CLEC6A: variants seen among roughly 807,000 people sequenced by gnomAD.
The protein encoded by CLEC6A is C-type lectin domain family 6 member A.
Under a neutral mutation model 25.7 loss-of-function variants are expected in CLEC6A, and 22 were observed. The observed-to-expected ratio is 0.85, with a 90% confidence interval of 0.61 to 1.22. The LOEUF is 1.22. CLEC6A is among the 50% of genes most tolerant of loss of function. The probability of loss-of-function intolerance (pLI) is 0.00; values close to 1 mark genes in which losing one functional copy is unlikely to be tolerated. For synonymous variants in CLEC6A, 92 were observed against 76.7 expected, an observed-to-expected ratio of 1.20 and a Z score of -1.04; for missense variants, 240 against 236.8, an observed-to-expected ratio of 1.01 and a Z score of -0.09.
intron 2 of CLEC6A, among the ~76,000 whole-genome samples, chr12:8,458,359 T>C (rs1157542238): frequency 2.0e-5 from 3 of 152,232 alleles, no homozygotes; most frequent in Non-Finnish European, 4.4e-5. Flanking sequence ...ATTGTCATAT[T>C]CTATATTAGA....
At chr12:8,470,831 A>C (rs930532417) in intron 4 of CLEC6A, among the ~76,000 whole-genome samples, 1 of 152,116 alleles carries the variant, frequency 6.6e-6, no homozygotes, top group Non-Finnish European at 1.5e-5. Flanking sequence ...CCAAAATATC[A>C]GAAATCACCA....
At position 8,476,151 on chromosome 12, in the gene CLEC6A, G is replaced by A; in HGVS notation, c.396G>A (p.Glu132=). The change falls in exon 5 of 6, where the codon GAG becomes GAA. Residue 132 remains glutamate (E), a synonymous_variant. Transcript: ENST00000382073. ...EQNFIVQQLN[E]SFSYFLGLSD... is the part of the protein sequence containing the mutation. ...ATTTCATTGTCCAGCAGCTGAATGA[G>A]TCATTTTCTTATTTTCTGGGGCTTT... The A allele has an allele frequency of 1.2e-6, 2 of 1,609,758 alleles. No individual in the cohort carries two copies. Among genetic ancestry groups the A allele is most frequent in the Non-Finnish European group, 1.7e-6 (2 of 1,178,480 alleles).
chr12:8,477,398 C>A lies in CLEC6A; in HGVS notation c.564C>A (p.Gly188=). ...TCTTCTGGAAACCTACAGGATGGGG[C>A]TGGAATGATGTTATCTGTGAAACTA... ...SIVFWKPTGW[G]WNDVICETRR... Residue 188 remains glycine, a synonymous_variant, in exon 6 of 6, where the codon GGC becomes GGA. Coordinates refer to ENST00000382073, the MANE Select transcript of CLEC6A (RefSeq NM_001007033.2). 1 of 1,611,974 alleles carries A rather than the reference C, an allele frequency of 6.2e-7. No homozygotes were observed. The highest frequency in any genetic ancestry group is 8.5e-7 in the Non-Finnish European group (1 of 1,178,580).
chr12:8,477,235 C>A, intron 5 of CLEC6A, 85 bp from the exon 6 acceptor site: 1 of 1,086,158 alleles, frequency 9.2e-7, no homozygotes, highest in Non-Finnish European at 1.3e-6. Context: ...CTAAATCCCA[C>A]TTTGTTCACC....
rs775892710 is a variant in CLEC6A at position 8,457,916 on chromosome 12, C to T, written c.50C>T (p.Ser17Phe). Residue 17 changes from serine (S) to phenylalanine (F), a missense_variant, in exon 2 of 6, where the codon TCC (serine) becomes TTC (phenylalanine). Ser to Phe is a radical substitution (Grantham distance 155, BLOSUM62 -2). Transcript: ENST00000382073. ...PQSTEKRGWL[S>F]LRLWSVAGIS... ...TGGACAGAGAAAAGAGGCTGGTTGT[C>T]CCTGAGACTCTGGTCTGTGGCTGGG... 4 of 1,613,876 alleles carry T rather than the reference C, an allele frequency of 2.5e-6. No homozygotes were observed. The South Asian group carries it at 3.3e-5, about 13-fold the overall frequency.
Position 8,465,543 on chromosome 12 carries a change from A to G in CLEC6A, c.283A>G (p.Ser95Gly), listed in dbSNP as rs753304599. The G allele has an allele frequency of 5.6e-6, 9 of 1,613,828 alleles. No homozygotes were observed. The highest frequency in any genetic ancestry group is 7.6e-6 in the Non-Finnish European group (9 of 1,179,900). ...TGGTTCCAGTTGCTACTTCATTTCC[A>G]GTGAAGAGAAGGTTTGGTCTAAGAG... ...SFGSSCYFIS[S>G]EEKVWSKSEQ... The change falls in exon 4 of 6, where the codon AGT (serine) becomes GGT (glycine). Residue 95 changes from serine (S) to glycine (G), a missense_variant. Coordinates refer to ENST00000382073, the MANE Select transcript of CLEC6A (RefSeq NM_001007033.2).
intron 2 of CLEC6A, among the ~76,000 whole-genome samples, chr12:8,458,902 TA>T (rs1440580340): frequency 2.0e-5 from 3 of 152,276 alleles, no homozygotes; most frequent in South Asian, 4.1e-4. Flanking sequence ...TCCTGAGAGA[TA>T]AAAGGTCTTG....
At chr12:8,463,251 A>G (rs1295329756) in intron 3 of CLEC6A, among the ~76,000 whole-genome samples, 1 of 152,204 alleles carries the variant, frequency 6.6e-6, no homozygotes, top group East Asian at 1.9e-4. Flanking sequence ...ATTTACTATC[A>G]TAATTATTAT....
Position 8,478,217 on chromosome 12 carries a change from A to G in CLEC6A, c.*753A>G, listed in dbSNP as rs1265133203. On this transcript the variant is annotated 3_prime_UTR_variant, in exon 6 of 6. Coordinates refer to ENST00000382073, the MANE Select transcript of CLEC6A (RefSeq NM_001007033.2). Reference sequence around the variant, plus strand: ...CCAAATCTAATCTATTCCTGAAAATATGATGGTTAGCAAAGTTTGAGATAA... The same window carrying G: ...CCAAATCTAATCTATTCCTGAAAATGTGATGGTTAGCAAAGTTTGAGATAA... 1 of 151,976 alleles carries G rather than the reference A, an allele frequency of 6.6e-6. No individual in the cohort carries two copies. The highest frequency in any genetic ancestry group is 1.5e-5 in the Non-Finnish European group (1 of 67,864). The allele number at this position is 151,976 out of a possible 1,614,324, so 9.4% of individuals were successfully genotyped here. A position where few individuals can be genotyped will look rare whatever the true frequency, so the allele number is the denominator to read the frequency against.
chr12:8,460,298 C>A (rs1289779558), intron 3 of CLEC6A, among the ~76,000 whole-genome samples: 1 of 152,188 alleles, frequency 6.6e-6, no homozygotes, highest in Non-Finnish European at 1.5e-5. Context: ...GGAGACCTCA[C>A]AATCATGGTG....
At chr12:8,475,581 G>A (rs1205184879) in intron 4 of CLEC6A, among the ~76,000 whole-genome samples, 1 of 151,876 alleles carries the variant, frequency 6.6e-6, no homozygotes, top group Non-Finnish European at 1.5e-5. Context: ...TGATGTCTTA[G>A]GTCAAGCAGC....
chr12:8,466,456 C>A (rs1051396144), intron 4 of CLEC6A, among the ~76,000 whole-genome samples: 37 of 152,212 alleles, frequency 2.4e-4, no homozygotes, highest in African/African-American at 7.5e-4. Flanking sequence ...TTTTGAGGAA[C>A]CTTCATACTG....
chr12:8,470,157 C>T (rs919375315), intron 4 of CLEC6A, among the ~76,000 whole-genome samples: 1 of 151,996 alleles, frequency 6.6e-6, no homozygotes, highest in Non-Finnish European at 1.5e-5. Context: ...AGAAGATATA[C>T]AAATGACCAA....
At chr12:8,469,214 A>G (rs1285749909) in intron 4 of CLEC6A, among the ~76,000 whole-genome samples, 1 of 152,184 alleles carries the variant, frequency 6.6e-6, no homozygotes, top group African/African-American at 2.4e-5. Flanking sequence ...ATATTTAGGA[A>G]TTTACTTAAC....
intron 3 of CLEC6A, among the ~76,000 whole-genome samples, chr12:8,464,924 C>G (rs1204276152): frequency 6.6e-6 from 1 of 152,144 alleles, no homozygotes; most frequent in Non-Finnish European, 1.5e-5. Context: ...ATGCTTTATA[C>G]ATTTTATGTG....
At chr12:8,476,577 T>A (rs1939976676) in intron 5 of CLEC6A, among the ~76,000 whole-genome samples, 1 of 152,094 alleles carries the variant, frequency 6.6e-6, no homozygotes, top group Non-Finnish European at 1.5e-5. Context: ...TGATCTCTAA[T>A]TAATAAAACT....
intron 3 of CLEC6A, among the ~76,000 whole-genome samples, 155 bp downstream of exon 3, chr12:8,459,853 T>C (rs1393037526): frequency 6.6e-6 from 1 of 152,244 alleles, no homozygotes; most frequent in Non-Finnish European, 1.5e-5. Context: ...ACATACATGT[T>C]CATATCAGGC....
At chr12:8,460,628 A>G (rs1939740217) in intron 3 of CLEC6A, 2 of 1,409,990 alleles carry the variant, frequency 1.4e-6, no homozygotes, top group Non-Finnish European at 1.0e-6. Context: ...ATGGGTGCAT[A>G]CAAGTATATC....
chr12:8,459,480 G>T (rs1939723793), intron 2 of CLEC6A, 117 bp from the exon 3 acceptor site: 3 of 635,948 alleles, frequency 4.7e-6, no homozygotes, highest in Admixed American at 2.3e-5. Context: ...TTTTTATGGG[G>T]CTTGCCTAGA....
Sources: gnomAD v4.1 joint callset for allele counts (sites outside exome capture counted in the v4.1 genomes callset) on GRCh38, gnomAD v4.1.1 for gene constraint, MANE v1.5 for transcripts, NCBI Gene and HGNC (gene_info 2026-07-23, HGNC 2026-07-21) for gene names.